The following C2CD3 variants were observed in gnomAD, a reference collection of about 807,000 sequenced individuals.
The protein encoded by C2CD3 is C2 domain containing 3 centriole elongation regulator.
C2CD3 carries 148 observed loss-of-function variants against 234.0 expected under a neutral mutation model. The ratio of observed to expected loss-of-function variants is 0.63; its 90% CI spans 0.55 to 0.72. C2CD3 has a LOEUF of 0.72. C2CD3 is among the 30% of genes least tolerant of loss of function. C2CD3 has a pLI of 0.00. For synonymous variants in C2CD3, 1,000 were observed against 1,035.4 expected (o/e 0.97, Z 0.66); for missense variants, 2,577 against 2,811.5 (o/e 0.92, Z 1.89).
chr11:74,032,271 C>A (rs528405460), intron 31 of C2CD3, among the ~76,000 whole-genome samples: 3 of 152,128 alleles, frequency 2.0e-5, no homozygotes, highest in Non-Finnish European at 4.4e-5. Flanking sequence ...AAGTCAGGCT[C>A]CCTGACTTCT....
intron 29 of C2CD3, 87 bp from the exon 30 acceptor site, chr11:74,037,785 A>G: frequency 2.0e-6 from 2 of 1,008,782 alleles, no homozygotes; most frequent in Non-Finnish European, 3.0e-6. Flanking sequence ...CTACCGCTTG[A>G]GCCAAAGCCT....
intron 8 of C2CD3, among the ~76,000 whole-genome samples, chr11:74,121,821 A>G (rs1281604418): frequency 6.6e-6 from 1 of 152,206 alleles, no homozygotes; most frequent in Non-Finnish European, 1.5e-5. Context: ...ACACAGTATC[A>G]GTGATGACTG....
At chr11:74,163,102 G>T (rs1856579627) in intron 2 of C2CD3, among the ~76,000 whole-genome samples, 2 of 152,182 alleles carry the variant, frequency 1.3e-5, no homozygotes, top group African/African-American at 4.8e-5. Flanking sequence ...CTTAACCAAA[G>T]TTGAGAAAAT....
intron 31 of C2CD3, among the ~76,000 whole-genome samples, chr11:74,029,698 T>C (rs1185945284): frequency 6.6e-6 from 1 of 152,248 alleles, no homozygotes; most frequent in African/African-American, 2.4e-5. Flanking sequence ...TCCCAGCCCA[T>C]TGCCTCATGT....
intron 9 of C2CD3, 98 bp from the exon 10 acceptor site, chr11:74,114,691 C>T: frequency 1.3e-6 from 1 of 794,016 alleles, no homozygotes; most frequent in South Asian, 1.5e-5. Flanking sequence ...GGGAGGGCAG[C>T]AAGTTTTTAT....
At chr11:74,031,876 A>C (rs1952533231) in intron 31 of C2CD3, among the ~76,000 whole-genome samples, 1 of 152,218 alleles carries the variant, frequency 6.6e-6, no homozygotes, top group Non-Finnish European at 1.5e-5. Flanking sequence ...AGAACTGCAC[A>C]CAAGGAGGTC....
chr11:74,064,072 G>A (rs1350770134), intron 24 of C2CD3, among the ~76,000 whole-genome samples: 9 of 137,586 alleles, frequency 6.5e-5, no homozygotes, highest in Non-Finnish European at 1.1e-4. Flanking sequence ...AACAGTCCCC[G>A]GAGTGTGATG....
chr11:74,131,008 A>C (rs1248522217), intron 7 of C2CD3, among the ~76,000 whole-genome samples: 1 of 151,546 alleles, frequency 6.6e-6, no homozygotes, highest in Admixed American at 6.6e-5. Context: ...TCACTATGTC[A>C]CCCAGACTGG....
At chr11:74,101,989 G>A (rs1448334714) in intron 14 of C2CD3, among the ~76,000 whole-genome samples, 1 of 152,110 alleles carries the variant, frequency 6.6e-6, no homozygotes, top group Non-Finnish European at 1.5e-5. Context: ...CATAAAGGAG[G>A]CAATGGACAT....
intron 28 of C2CD3, 59 bp downstream of exon 28, chr11:74,048,146 C>A (rs1324299777): frequency 6.5e-6 from 10 of 1,545,042 alleles, no homozygotes; most frequent in Non-Finnish European, 8.8e-6. Flanking sequence ...AATGATAAGC[C>A]AGTTCACACA....
chr11:74,165,195 T>C (rs1460748111), intron 2 of C2CD3, among the ~76,000 whole-genome samples: 1 of 152,224 alleles, frequency 6.6e-6, no homozygotes, highest in African/African-American at 2.4e-5. Context: ...CTTCTTTTTT[T>C]ATATGTTATT....
chr11:74,138,775 G>A lies in C2CD3; in HGVS notation c.900C>T (p.His300=), dbSNP rs1165055645. 1.9e-6 allele frequency: 3 copies of A among 1,612,786 alleles called. No individual in the cohort carries two copies. Among genetic ancestry groups the A allele is most frequent in the Non-Finnish European group, 8.5e-7 (1 of 1,178,772 alleles). ...TTGAAGAAAGAATGCATGAGTCACT[G>A]TGACTCTTGGCAACTGTTCTAATTT... ...QPQIRTVAKS[H]SDSCILSSNN... Residue 300 remains histidine, a synonymous_variant, in exon 5 of 33, where the codon CAC becomes CAT. Coordinates refer to ENST00000334126, the MANE Select transcript of C2CD3 (RefSeq NM_001286577.2).
At chr11:74,049,665 A>C (rs1953578799) in intron 26 of C2CD3, 123 bp from the exon 27 acceptor site, 1 of 708,762 alleles carries the variant, frequency 1.4e-6, no homozygotes, top group African/African-American at 1.8e-5. Flanking sequence ...AAGCCATCAG[A>C]GAAGACAGAT....
At chr11:74,118,420 T>C in intron 8 of C2CD3, 38 bp from the exon 9 acceptor site, 1 of 1,558,080 alleles carries the variant, frequency 6.4e-7, no homozygotes, top group Non-Finnish European at 8.8e-7. Flanking sequence ...AAATGACTGC[T>C]GCTTTGGGAA....
At chr11:74,146,415 C>G (rs1261121729) in intron 3 of C2CD3, among the ~76,000 whole-genome samples, 1 of 152,080 alleles carries the variant, frequency 6.6e-6, no homozygotes, top group Non-Finnish European at 1.5e-5. Context: ...TTAAAAATAA[C>G]TTTCCAAGAG....
intron 3 of C2CD3, among the ~76,000 whole-genome samples, chr11:74,150,501 AAAAAAAAAAAAAAAC>A (rs1412034968): frequency 2.6e-5 from 3 of 113,380 alleles, no homozygotes; most frequent in Non-Finnish European, 3.7e-5. Flanking sequence ...TCAAAAAAAA[AAAAAAAAAAAAAAAC>A]AAAAAAAAAA....
intron 20 of C2CD3, among the ~76,000 whole-genome samples, chr11:74,087,294 T>A (rs1176567249): frequency 6.6e-6 from 1 of 152,134 alleles, no homozygotes; most frequent in Non-Finnish European, 1.5e-5. Flanking sequence ...CTGGGTGCGG[T>A]GGCTCGCGCC....
intron 26 of C2CD3, among the ~76,000 whole-genome samples, chr11:74,049,777 C>A (rs1375019945): frequency 6.6e-6 from 1 of 152,126 alleles, no homozygotes; most frequent in African/African-American, 2.4e-5. Flanking sequence ...TTCATTCTCT[C>A]TCTCTCTCTC....
At chr11:74,074,169 C>A (rs1385928206) in intron 24 of C2CD3, 84 bp downstream of exon 24, 4 of 914,516 alleles carry the variant, frequency 4.4e-6, no homozygotes, top group Non-Finnish European at 5.0e-6. Context: ...ATTAACAGAT[C>A]CTGCCATGAT....
Sources: allele counts gnomAD v4.1 joint callset (sites outside exome capture counted in the v4.1 genomes callset), GRCh38; gene constraint gnomAD v4.1.1; transcripts MANE v1.5; gene names NCBI Gene and HGNC (gene_info 2026-07-23, HGNC 2026-07-21).